The following CACNA1S variants were observed in gnomAD, a reference collection of about 807,000 sequenced individuals.
CACNA1S encodes the protein voltage-dependent L-type calcium channel subunit alpha-1S.
In CACNA1S, 126 loss-of-function variants were observed where a neutral mutation model predicts 207.4. The ratio of observed to expected loss-of-function variants is 0.61; its 90% confidence interval spans 0.53 to 0.70. CACNA1S has a LOEUF of 0.70. Among genes scored for constraint, CACNA1S ranks in the 30% least tolerant of loss-of-function variants. The pLI, the probability that CACNA1S is intolerant of heterozygous loss-of-function variation, is 0.00. For missense variants in CACNA1S, 2,349 were observed against 2,422.8 expected, an observed-to-expected ratio of 0.97 and a Z score of 0.64; for synonymous variants, 960 against 932.7, an observed-to-expected ratio of 1.03 and a Z score of -0.53.
chr1:201,047,283 T>C, intron 37 of CACNA1S, 44 bp from the exon 38 acceptor site: 1 of 1,613,704 alleles, frequency 6.2e-7, no homozygotes, highest in Non-Finnish European at 8.5e-7. Context: ...CTAGTGGGAA[T>C]CTGACACTGG....
chr1:201,067,915 C>G (rs748169598), intron 19 of CACNA1S, among the ~76,000 whole-genome samples: 52 of 152,312 alleles, frequency 3.4e-4, no homozygotes, highest in South Asian at 6.2e-4. Flanking sequence ...GTTCCTGGGG[C>G]TCGGCTAGCT....
rs1294455750 is a variant in CACNA1S at position 201,060,825 on chromosome 1, C to T, written c.3256-9G>A. ...TACTGTACACATTGGCGCTGTGACA[C>T]ATACAACAGGACAGGTCAGCACCAA... On this transcript the variant is annotated splice_polypyrimidine_tract_variant and intron_variant, in intron 25 of 43. Transcript: ENST00000362061. 1 of 1,614,040 alleles carries T rather than the reference C, an allele frequency of 6.2e-7. No individual in the cohort carries two copies. The highest frequency in any genetic ancestry group is 1.3e-5 in the African/African-American group (1 of 74,920).
rs192202031 is a variant in CACNA1S at position 201,049,911 on chromosome 1, G to A, written c.4241+478C>T. Among the ~76,000 whole-genome samples, 755 of 152,294 alleles carry A rather than the reference G, an allele frequency of 5.0e-3. 6 individuals carry two copies. The highest frequency in any genetic ancestry group is 0.017 in the African/African-American group (712 of 41,570). ...TTCCTCATCTGAGACTGAGACCATCGGGAGATGCCTATTTCCTATCGGGAA... is the reference window on the plus strand; with the variant it reads ...TTCCTCATCTGAGACTGAGACCATCAGGAGATGCCTATTTCCTATCGGGAA... On this transcript the variant is annotated intron_variant, in intron 34 of 43. Coordinates refer to ENST00000362061, the MANE Select transcript of CACNA1S (RefSeq NM_000069.3).
intron 2 of CACNA1S, among the ~76,000 whole-genome samples, chr1:201,105,312 G>A (rs1013790994): frequency 6.6e-6 from 1 of 152,190 alleles, no homozygotes; most frequent in Non-Finnish European, 1.5e-5. Flanking sequence ...GGGCCTGCAT[G>A]ATCAAAGTTC....
At chr1:201,089,118 CCA>C in intron 6 of CACNA1S, 138 bp downstream of exon 6, 1 of 779,542 alleles carries the variant, frequency 1.3e-6, no homozygotes, top group Non-Finnish European at 2.2e-6. Flanking sequence ...TATAGATTCC[CCA>C]GGGAGGAGCA....
chr1:201,077,632 C>T (rs1304040327), intron 11 of CACNA1S, among the ~76,000 whole-genome samples: 1 of 152,126 alleles, frequency 6.6e-6, no homozygotes, highest in Non-Finnish European at 1.5e-5. Flanking sequence ...TTCTCTTTTC[C>T]ACCACCCCCA....
At chr1:201,085,646 C>A in intron 7 of CACNA1S, 65 bp from the exon 8 acceptor site, 1 of 1,586,774 alleles carries the variant, frequency 6.3e-7, no homozygotes, top group Admixed American at 1.7e-5. Context: ...AAAGACTGAG[C>A]TTCCTGAGGA....
At chr1:201,061,522 G>T (rs1246003960) in intron 24 of CACNA1S, 54 bp from the exon 25 acceptor site, 17 of 1,542,588 alleles carry the variant, frequency 1.1e-5, no homozygotes, top group Admixed American at 5.1e-5. Flanking sequence ...AAGGCAGAGA[G>T]TCAGGCTGGG....
In CACNA1S at chr1:201,039,648, G is replaced by A. The variant is rs886045792; in HGVS notation, c.*183C>T. On this transcript the variant is annotated 3_prime_UTR_variant, in exon 44 of 44. Coordinates refer to ENST00000362061, the MANE Select transcript of CACNA1S (RefSeq NM_000069.3). ...ATGCCTCTTGCTGGTGAGGGGCAGGGCCTGTCCAGCTACTTCCTCCGCACT... is the reference window on the plus strand; with the variant it reads ...ATGCCTCTTGCTGGTGAGGGGCAGGACCTGTCCAGCTACTTCCTCCGCACT... 90 of 700,544 alleles carry A rather than the reference G, an allele frequency of 1.3e-4. 1 individual carries two copies. Among genetic ancestry groups the A allele is most frequent in the East Asian group, 2.7e-5 (1 of 37,212 alleles). 43.4% of individuals were successfully genotyped at this position (700,544 alleles called of 1,614,324 possible).
In CACNA1S at chr1:201,110,121, G is replaced by A. The variant is rs200230874; in HGVS notation, c.258+43C>T. 5 of 1,557,200 alleles carry A rather than the reference G, an allele frequency of 3.2e-6. No homozygotes were observed. The East Asian group carries it at 6.7e-5, about 21-fold the overall frequency. ...ACCAAGGGGGCCTCCCCAAGCCTGG[G>A]GCTGCAGGCTCGCAGGAAGGGAGAT... On this transcript the variant is annotated intron_variant, in intron 2 of 43. Coordinates refer to ENST00000362061, the MANE Select transcript of CACNA1S (RefSeq NM_000069.3).
At position 201,062,467 on chromosome 1, in the gene CACNA1S, C is replaced by T. The variant is rs745738564; in HGVS notation, c.2901G>A (p.Glu967=). The change falls in exon 23 of 44, where the codon GAG becomes GAA. Residue 967 remains glutamate (E), a synonymous_variant. Transcript: ENST00000362061. ...GTGCTCCCTGCCCCATGTACCTGCA[C>T]TCCTCCTCTGTCATCTTGGACAAGT... The part of the protein sequence containing the change: ...CTDLSKMTEE[E]CRGYYYVYKD... 5 of 1,613,862 alleles carry T rather than the reference C, an allele frequency of 3.1e-6. No homozygotes were observed. The East Asian group carries it at 6.7e-5, about 22-fold the overall frequency.
rs1661655510 is a variant in CACNA1S, at chr1:201,077,125, T to C, written c.1622A>G (p.Tyr541Cys). The change falls in exon 12 of 44, where the codon TAT becomes TGT. Residue 541 changes from tyrosine to cysteine, a missense_variant and splice_region_variant. Transcript: ENST00000362061. ...CACCAGGTTGCTCAGCGACGTCCAA[T>C]ATCTGAAGGAAGAGGAGGCACAAGG... ...RLLRIFKITK[Y>C]WTSLSNLVAS... is the part of the protein sequence containing the mutation. 6.2e-7 allele frequency: 1 copy of C among 1,613,680 alleles called. No individual in the cohort carries two copies. Among genetic ancestry groups the C allele is most frequent in the Non-Finnish European group, 8.5e-7 (1 of 1,179,824 alleles).
intron 10 of CACNA1S, among the ~76,000 whole-genome samples, chr1:201,082,087 G>C (rs1661861274): frequency 6.8e-6 from 1 of 147,140 alleles, no homozygotes; most frequent in African/African-American, 2.5e-5. Flanking sequence ...GGAGTGCAGT[G>C]GTGCAATCTC....
At chr1:201,110,439 G>T (rs1663056840) in intron 1 of CACNA1S, among the ~76,000 whole-genome samples, 170 bp from the exon 2 acceptor site, 1 of 152,208 alleles carries the variant, frequency 6.6e-6, no homozygotes, top group Non-Finnish European at 1.5e-5. Flanking sequence ...AGGGTACAGT[G>T]AGGACCAGGT....
chr1:201,070,519 G>T, intron 16 of CACNA1S, 115 bp from the exon 17 acceptor site: 2 of 1,397,842 alleles, frequency 1.4e-6, no homozygotes, highest in Non-Finnish European at 2.0e-6. Flanking sequence ...GGGACCACCA[G>T]GCTGACTTGG....
At chr1:201,102,481 C>T (rs1324839033) in intron 2 of CACNA1S, among the ~76,000 whole-genome samples, 1 of 152,106 alleles carries the variant, frequency 6.6e-6, no homozygotes, top group Non-Finnish European at 1.5e-5. Flanking sequence ...AAAAGGAAGG[C>T]CCGACATATT....
intron 28 of CACNA1S, among the ~76,000 whole-genome samples, chr1:201,054,820 C>CAG (rs1390137593): frequency 6.6e-6 from 1 of 152,176 alleles, no homozygotes; most frequent in Admixed American, 6.5e-5. Context: ...TGGACACAGA[C>CAG]AGATCCCTTC....
chr1:201,091,340 A>G (rs1424469401), intron 5 of CACNA1S, among the ~76,000 whole-genome samples: 3 of 152,188 alleles, frequency 2.0e-5, no homozygotes, highest in Non-Finnish European at 2.9e-5. Context: ...TCCCATGCCT[A>G]TGTCTCCATC....
rs3767502 is a variant in CACNA1S, at chr1:201,053,970, T to C, written c.3667-383A>G. Among the ~76,000 whole-genome samples, 118,007 of 152,102 alleles carry C rather than the reference T, an allele frequency of 0.78. 46,836 individuals carry two copies. The highest frequency in any genetic ancestry group is 0.99 in the East Asian group (5,124 of 5,158). ...AGGACCCTGGTGGCCCTCCTAGGGCTCCTCCCCTGGCGTCCTCCCAGTGCA... is the reference window on the plus strand; with the variant it reads ...AGGACCCTGGTGGCCCTCCTAGGGCCCCTCCCCTGGCGTCCTCCCAGTGCA... On this transcript the variant is annotated intron_variant, in intron 29 of 43. Coordinates refer to ENST00000362061, the MANE Select transcript of CACNA1S (RefSeq NM_000069.3). The surrounding 1 kb of genome is among the most constrained non-coding windows in gnomAD (Gnocchi z 5.1).
Sources: allele counts gnomAD v4.1 joint callset (sites outside exome capture counted in the v4.1 genomes callset), GRCh38; gene constraint gnomAD v4.1.1; non-coding constraint Gnocchi (gnomAD v3.1); transcripts MANE v1.5; gene names NCBI Gene and HGNC (gene_info 2026-07-23, HGNC 2026-07-21).